CATSPERE: variants seen among roughly 807,000 people sequenced by gnomAD.
CATSPERE encodes the protein catsper channel auxiliary subunit epsilon, also known as cation channel sperm-associated auxiliary subunit epsilon.
In CATSPERE, 93 loss-of-function variants were observed where a neutral mutation model predicts 114.1. The ratio of observed to expected loss-of-function variants is 0.81; its 90% CI spans 0.69 to 0.97. CATSPERE has a LOEUF of 0.97. Ranked by LOEUF, CATSPERE falls within the 50% of genes least tolerant of loss-of-function variation. The pLI, the probability that CATSPERE is intolerant of heterozygous loss-of-function variation, is 0.00. For synonymous variants in CATSPERE, 341 were observed against 384.1 expected, an observed-to-expected ratio of 0.89 and a Z score of 1.31; for missense variants, 1,058 against 1,131.6, an observed-to-expected ratio of 0.93 and a Z score of 0.93.
chr1:244,463,212 T>C (rs1361593488), intron 1 of CATSPERE, among the ~76,000 whole-genome samples: 1 of 152,226 alleles, frequency 6.6e-6, no homozygotes, highest in Non-Finnish European at 1.5e-5. Context: ...ATTATTAAAA[T>C]TAATTTCACC....
chr1:244,584,595 T>C (rs977722934), intron 13 of CATSPERE, among the ~76,000 whole-genome samples: 1 of 150,400 alleles, frequency 6.6e-6, no homozygotes, highest in African/African-American at 2.5e-5. Flanking sequence ...CCCGCCTCCT[T>C]TGAGTCTATA....
intron 8 of CATSPERE, among the ~76,000 whole-genome samples, chr1:244,520,597 A>T (rs552782631): frequency 3.9e-5 from 6 of 152,114 alleles, no homozygotes; most frequent in Non-Finnish European, 7.4e-5. Context: ...CTTGGGTCCA[A>T]TACACACAGC....
At chr1:244,551,793 G>A (rs1177288483) in intron 8 of CATSPERE, among the ~76,000 whole-genome samples, 1 of 152,036 alleles carries the variant, frequency 6.6e-6, no homozygotes, top group Non-Finnish European at 1.5e-5. Flanking sequence ...GGCCAGGCGC[G>A]GTGGCTCACG....
At chr1:244,458,171 G>A (rs868040494), upstream of CATSPERE, among the ~76,000 whole-genome samples, 1 of 152,116 alleles carries the variant, frequency 6.6e-6, no homozygotes, top group African/African-American at 2.4e-5. Flanking sequence ...CTGGGAGACT[G>A]TGACATTAGA....
chr1:244,484,062 A>G (rs900819356), intron 5 of CATSPERE, among the ~76,000 whole-genome samples: 19 of 152,224 alleles, frequency 1.2e-4, no homozygotes, highest in African/African-American at 4.6e-4. Context: ...TGCATAATCT[A>G]TTTATCCAGA....
intron 15 of CATSPERE, 53 bp downstream of exon 15, chr1:244,591,784 A>G (rs1667751733): frequency 9.3e-7 from 1 of 1,070,384 alleles, no homozygotes; most frequent in Non-Finnish European, 1.4e-6. Context: ...TAGTACCAAT[A>G]CTTTACAATC....
intron 8 of CATSPERE, among the ~76,000 whole-genome samples, chr1:244,546,907 GA>G (rs1659841925): frequency 7.1e-6 from 1 of 139,972 alleles, no homozygotes; most frequent in Admixed American, 7.7e-5. Flanking sequence ...TAGTGGGGTA[GA>G]AAGTTTATTT....
chr1:244,537,243 GAGTGTT>G (rs1680522749), intron 8 of CATSPERE, among the ~76,000 whole-genome samples: 2 of 152,206 alleles, frequency 1.3e-5, no homozygotes, highest in South Asian at 4.1e-4. Context: ...TAGCATGAAT[GAGTGTT>G]GACTTTGTCA....
intron 17 of CATSPERE, among the ~76,000 whole-genome samples, chr1:244,603,573 A>T (rs1669563655): frequency 1.3e-5 from 2 of 152,170 alleles, no homozygotes; most frequent in Non-Finnish European, 2.9e-5. Flanking sequence ...AAACCCAGAA[A>T]TTATGGGTCA....
chr1:244,566,912 C>T (rs950203759), intron 10 of CATSPERE, among the ~76,000 whole-genome samples: 18 of 151,738 alleles, frequency 1.2e-4, no homozygotes, highest in Admixed American at 2.6e-4. Context: ...TTATTTTGCT[C>T]GTTATTTGAT....
chr1:244,500,057 A>G (rs556171303), intron 7 of CATSPERE, among the ~76,000 whole-genome samples: 1 of 152,324 alleles, frequency 6.6e-6, no homozygotes, highest in South Asian at 2.1e-4. Context: ...GCAAGATAGT[A>G]TCTCATTATG....
chr1:244,634,623 C>T (rs1674379908), intron 20 of CATSPERE, among the ~76,000 whole-genome samples: 1 of 152,158 alleles, frequency 6.6e-6, no homozygotes, highest in South Asian at 2.1e-4. Context: ...AAGGAGTTAG[C>T]CTACATCAGG....
chr1:244,482,558 C>T (rs567745338), intron 5 of CATSPERE, among the ~76,000 whole-genome samples: 22 of 152,076 alleles, frequency 1.4e-4, no homozygotes, highest in African/African-American at 4.8e-4. Flanking sequence ...GCTATGATTG[C>T]GCCACTGCAC....
intron 1 of CATSPERE, among the ~76,000 whole-genome samples, chr1:244,455,980 C>T (rs1666124777): frequency 6.6e-6 from 1 of 152,144 alleles, no homozygotes; most frequent in Non-Finnish European, 1.5e-5. Flanking sequence ...AGGAAATATA[C>T]TTTAGGAGTT....
rs35307647 is a variant in CATSPERE at position 244,633,865 on chromosome 1, AT to A, written c.2649-1607del. On this transcript the variant is annotated intron_variant, in intron 20 of 21. Coordinates refer to ENST00000366534, the MANE Select transcript of CATSPERE (RefSeq NM_001130957.2). The surrounding 1 kb of genome is among the most constrained non-coding windows in gnomAD (Gnocchi z 4.1). ...CCTGTGACAGGTGTCTACATCACTCATTTTTTTTTTTTTTTTTGAGACGGAG... is the reference window on the plus strand; with the variant it reads ...CCTGTGACAGGTGTCTACATCACTCATTTTTTTTTTTTTTTTGAGACGGAG... Among the ~76,000 whole-genome samples, 441 of 133,600 alleles carry A rather than the reference AT, an allele frequency of 3.3e-3. 1 individual carries two copies. Among genetic ancestry groups the A allele is most frequent in the Middle Eastern group, 0.015 (4 of 270 alleles). The allele number at this position is 133,600 out of a possible 152,430, so 87.6% of individuals were successfully genotyped here.
chr1:244,605,393 T>G (rs10803227), intron 17 of CATSPERE, among the ~76,000 whole-genome samples: 151,391 of 152,286 alleles, frequency 0.99, 75,260 homozygotes, highest in Middle Eastern at 1. Flanking sequence ...GTTCCAAATG[T>G]CCAAAAAGTA....
chr1:244,494,067 A>G (rs1031462693), intron 6 of CATSPERE, among the ~76,000 whole-genome samples: 58 of 152,274 alleles, frequency 3.8e-4, no homozygotes, highest in African/African-American at 1.3e-3. Flanking sequence ...ATCTAGAACT[A>G]GAAATACCAT....
At chr1:244,555,195 G>C (rs1353197158) in intron 9 of CATSPERE, among the ~76,000 whole-genome samples, 3 of 152,002 alleles carry the variant, frequency 2.0e-5, no homozygotes, top group African/African-American at 4.8e-5. Context: ...GACCAGCCTG[G>C]CCAATATGGT....
intron 11 of CATSPERE, among the ~76,000 whole-genome samples, chr1:244,574,356 G>A (rs867926969): frequency 1.3e-5 from 2 of 152,168 alleles, no homozygotes; most frequent in Admixed American, 6.5e-5. Flanking sequence ...ATAGGATAGG[G>A]CTTAGCAAAG....
Sources: allele counts gnomAD v4.1 joint callset (sites outside exome capture counted in the v4.1 genomes callset), GRCh38; gene constraint gnomAD v4.1.1; non-coding constraint Gnocchi (gnomAD v3.1); transcripts MANE v1.5; gene names NCBI Gene and HGNC (gene_info 2026-07-23, HGNC 2026-07-21).